Variants in CCDC138 observed in about 807,000 individuals in gnomAD.
CCDC138 encodes coiled-coil domain-containing protein 138.
A neutral mutation model predicts 82.3 loss-of-function variants in CCDC138; 66 were observed. That is an observed-to-expected ratio of 0.80 (90% CI 0.66 to 0.98). CCDC138 has a LOEUF of 0.98. CCDC138 is among the 50% of genes least tolerant of loss of function. The pLI, the probability that CCDC138 is intolerant of heterozygous loss-of-function variation, is 0.00. For missense variants in CCDC138, 816 were observed against 758.9 expected (o/e 1.08, Z -0.88); for synonymous variants, 297 against 265.4 (o/e 1.12, Z -1.16).
chr2:108,815,893 T>C, intron 9 of CCDC138, 48 bp from the exon 10 acceptor site: 1 of 1,499,492 alleles, frequency 6.7e-7, no homozygotes, highest in Non-Finnish European at 9.1e-7. Context: ...TCTTTGAAGT[T>C]TTATGAAGTT....
rs61201793 is a variant in CCDC138, at chr2:108,798,816, T to TACACACACAC, written c.735+258_735+267dup. On this transcript the variant is annotated intron_variant, in intron 6 of 14. Transcript: ENST00000295124. Reference sequence around the variant, plus strand: ...TTCCCTTCCTCCTCCTCTCCACACCTACACACACACACACACACACACACA... The same window carrying TACACACACAC: ...TTCCCTTCCTCCTCCTCTCCACACCTACACACACACACACACACACACACACACACACACA... 3.9e-3 allele frequency among the ~76,000 whole-genome samples: 512 copies of TACACACACAC among 131,624 alleles called. 4 individuals are homozygous for TACACACACAC. The highest frequency in any genetic ancestry group is 0.019 in the East Asian group (81 of 4,242). 86.4% of individuals were successfully genotyped at this position (131,624 alleles called of 152,430 possible).
intron 13 of CCDC138, among the ~76,000 whole-genome samples, chr2:108,872,775 A>G (rs563450133): frequency 1.7e-3 from 262 of 152,294 alleles, no homozygotes; most frequent in Non-Finnish European, 3.1e-3. Flanking sequence ...AAATTTCAAC[A>G]TGAGTTCTAC....
intron 11 of CCDC138, among the ~76,000 whole-genome samples, chr2:108,845,792 C>T (rs906108204): frequency 7.9e-5 from 12 of 151,964 alleles, no homozygotes; most frequent in Admixed American, 5.2e-4. Context: ...AGGATGGTCT[C>T]GATCTCCTGA....
At chr2:108,792,829 CCGAGGCGGGTGGATCA>C in intron 4 of CCDC138, among the ~76,000 whole-genome samples, 1 of 152,098 alleles carries the variant, frequency 6.6e-6, no homozygotes, top group East Asian at 1.9e-4. Flanking sequence ...CTTTGGGAGG[CCGAGGCGGGTGGATCA>C]CGAGGTCAGG....
chr2:108,833,315 A>G (rs1439585140), intron 10 of CCDC138, among the ~76,000 whole-genome samples: 1 of 152,232 alleles, frequency 6.6e-6, no homozygotes, highest in Non-Finnish European at 1.5e-5. Flanking sequence ...GATGTTAATA[A>G]TGGAAGGTAC....
At chr2:108,853,976 AATATATAATATATAATAAATTTATATT>A (rs1473315300) in intron 12 of CCDC138, among the ~76,000 whole-genome samples, 62,299 of 89,652 alleles carry the variant, frequency 0.69, 23,555 homozygotes, top group East Asian at 0.9. Flanking sequence ...AAATATATAT[AATATATAATATATAATAAATTTATATT>A]ATATATAATA....
intron 10 of CCDC138, among the ~76,000 whole-genome samples, chr2:108,826,230 T>C (rs1475816117): frequency 6.6e-6 from 1 of 152,208 alleles, no homozygotes; most frequent in Non-Finnish European, 1.5e-5. Flanking sequence ...TTCTGGATAG[T>C]ATCCTTTGAA....
chr2:108,806,597 A>G (rs1334454295), intron 7 of CCDC138, among the ~76,000 whole-genome samples: 2 of 152,156 alleles, frequency 1.3e-5, no homozygotes, highest in African/African-American at 4.8e-5. Flanking sequence ...CAGCTCTGCC[A>G]TCGTAATGCG....
chr2:108,793,582 A>G (rs1428042988), intron 4 of CCDC138, among the ~76,000 whole-genome samples: 1 of 151,710 alleles, frequency 6.6e-6, no homozygotes, highest in Admixed American at 6.6e-5. Flanking sequence ...TACCCTCAGG[A>G]AACTTTTTTT....
At chr2:108,791,827 C>G (rs773967177) in intron 4 of CCDC138, 25 bp downstream of exon 4, 2 of 1,551,454 alleles carry the variant, frequency 1.3e-6, no homozygotes, top group East Asian at 4.6e-5. Context: ...TTAGAACAAT[C>G]AATTCAGTAG....
intron 12 of CCDC138, among the ~76,000 whole-genome samples, chr2:108,855,366 A>G (rs754591426): frequency 6.6e-6 from 1 of 152,168 alleles, no homozygotes; most frequent in Non-Finnish European, 1.5e-5. Context: ...AATCTTGTCA[A>G]ATTATATACT....
chr2:108,881,280 A>G (rs866201750), downstream of CCDC138, among the ~76,000 whole-genome samples: 1 of 152,222 alleles, frequency 6.6e-6, no homozygotes, highest in South Asian at 2.1e-4. Flanking sequence ...CTAAAACCTC[A>G]TGAACCAACC....
rs1392326740 is a variant in CCDC138 at position 108,786,864 on chromosome 2, A to G, written c.42A>G (p.Val14=). The change falls in exon 1 of 15, where the codon GTA becomes GTG. Residue 14 remains valine (V), a synonymous_variant. Coordinates refer to ENST00000295124, the MANE Select transcript of CCDC138 (RefSeq NM_144978.3). ...TCAAGCCACCGGGGCAGGATTTAGT[A>G]GTGGAGAGTCTCAAAAGCCGCTACG... ...RVVKPPGQDL[V]VESLKSRYGL... is the part of the protein sequence containing the mutation. The G allele has an allele frequency of 2.5e-6, 4 of 1,584,680 alleles. No individual in the cohort carries two copies. The highest frequency in any genetic ancestry group is 1.4e-5 in the African/African-American group (1 of 72,738).
At chr2:108,809,130 G>A (rs1401680221) in intron 7 of CCDC138, among the ~76,000 whole-genome samples, 2 of 152,060 alleles carry the variant, frequency 1.3e-5, no homozygotes, top group East Asian at 1.9e-4. Context: ...GGCTGTAAAT[G>A]TGTGGATTTA....
intron 11 of CCDC138, 48 bp from the exon 12 acceptor site, chr2:108,846,690 T>A (rs1393078073): frequency 5.3e-6 from 8 of 1,503,884 alleles, no homozygotes; most frequent in Non-Finnish European, 7.3e-6. Context: ...AAAAAAGATA[T>A]ATTCTGAACA....
chr2:108,870,206 A>G (rs143873877), intron 13 of CCDC138, among the ~76,000 whole-genome samples: 25 of 152,376 alleles, frequency 1.6e-4, no homozygotes, highest in African/African-American at 5.3e-4. Context: ...TGGAAAATAC[A>G]GTAGCTGAAT....
At chr2:108,832,986 A>C (rs1216121710) in intron 10 of CCDC138, among the ~76,000 whole-genome samples, 1 of 152,210 alleles carries the variant, frequency 6.6e-6, no homozygotes, top group Non-Finnish European at 1.5e-5. Context: ...GACACCTTAA[A>C]TGCACATTGC....
At chr2:108,850,352 C>T (rs556264781) in intron 12 of CCDC138, among the ~76,000 whole-genome samples, 3 of 152,072 alleles carry the variant, frequency 2.0e-5, no homozygotes, top group African/African-American at 7.2e-5. Flanking sequence ...ACTGCTTAAT[C>T]CAGATATATA....
At chr2:108,878,951 A>G (rs1354126009), downstream of CCDC138, among the ~76,000 whole-genome samples, 2 of 152,250 alleles carry the variant, frequency 1.3e-5, no homozygotes, top group African/African-American at 4.8e-5. Context: ...ATATAGATAT[A>G]GCAAAAAATA....
Sources: allele counts gnomAD v4.1 joint callset (sites outside exome capture counted in the v4.1 genomes callset), GRCh38; gene constraint gnomAD v4.1.1; transcripts MANE v1.5; gene names NCBI Gene and HGNC (gene_info 2026-07-23, HGNC 2026-07-21).